UBXN2B: variants seen among roughly 807,000 people sequenced by gnomAD.
The protein encoded by UBXN2B is UBX domain-containing protein 2B.
Under a neutral mutation model 37.5 loss-of-function variants are expected in UBXN2B, and 19 were observed. The ratio of observed to expected loss-of-function variants is 0.51; its 90% CI spans 0.35 to 0.74. The LOEUF is 0.74. Among genes scored for constraint, UBXN2B ranks in the 30% least tolerant of loss-of-function variants. The pLI is 0.01. For synonymous variants in UBXN2B, 145 were observed against 143.8 expected (o/e 1.01, Z -0.06); for missense variants, 370 against 393.2 (o/e 0.94, Z 0.50).
intron 2 of UBXN2B, among the ~76,000 whole-genome samples, chr8:58,421,719 T>C (rs1807930613): frequency 6.6e-6 from 1 of 152,156 alleles, no homozygotes; most frequent in Non-Finnish European, 1.5e-5. Context: ...CCTGATTCCA[T>C]CCCATGTAAA....
In UBXN2B at chr8:58,450,226, CTTTATA is replaced by C. The variant is rs1808773774; in HGVS notation, c.*2680_*2685del. The stretch of plus-strand genomic sequence containing the variant: ...TTCCCAAATCATCAAGTCCTGGTTT[CTTTATA>C]TTTAACAGGTCTTCCCTCAATCTAC... On this transcript the variant is annotated 3_prime_UTR_variant, in exon 8 of 8. Coordinates refer to ENST00000399598, the MANE Select transcript of UBXN2B (RefSeq NM_001077619.2). 2.0e-5 allele frequency: 3 copies of C among 152,290 alleles called. No individual in the cohort carries two copies. The highest frequency in any genetic ancestry group is 4.4e-5 in the Non-Finnish European group (3 of 68,006). 9.4% of individuals were successfully genotyped at this position (152,290 alleles called of 1,614,324 possible).
chr8:58,431,509 A>G (rs1808276635), intron 3 of UBXN2B, among the ~76,000 whole-genome samples: 1 of 152,226 alleles, frequency 6.6e-6, no homozygotes, highest in African/African-American at 2.4e-5. Context: ...TGACTATTAC[A>G]AATAAAGCTG....
chr8:58,426,486 G>T (rs370067175), intron 2 of UBXN2B: 4 of 706,250 alleles, frequency 5.7e-6, no homozygotes, highest in South Asian at 5.4e-5. Flanking sequence ...GGGATTACAG[G>T]TGTGAACCAC....
chr8:58,448,045 A>G lies in UBXN2B; in HGVS notation c.*494A>G, dbSNP rs1808719656. On this transcript the variant is annotated 3_prime_UTR_variant, in exon 8 of 8. Coordinates refer to ENST00000399598, the MANE Select transcript of UBXN2B (RefSeq NM_001077619.2). Reference sequence around the variant, plus strand: ...TACAATAATTATTTCTCCTATTAAGATTTTACACATCCTTTTTACTTACTG... The same window carrying G: ...TACAATAATTATTTCTCCTATTAAGGTTTTACACATCCTTTTTACTTACTG... 6.6e-6 allele frequency: 1 copy of G among 152,200 alleles called. No homozygotes were observed. The highest frequency in any genetic ancestry group is 1.5e-5 in the Non-Finnish European group (1 of 68,094). The allele number at this position is 152,200 out of a possible 1,614,324, so 9.4% of individuals were successfully genotyped here. A position where few individuals can be genotyped will look rare whatever the true frequency, so the allele number is the denominator to read the frequency against.
rs1808722783 is a variant in UBXN2B, at chr8:58,448,193, T to TA, written c.*643dup. On this transcript the variant is annotated 3_prime_UTR_variant, in exon 8 of 8. Transcript: ENST00000399598. Reference sequence around the variant, plus strand: ...CAATTCTTTTTTTTTTTTTTTTTGATATGGAGTTTTGCTCTTGTTGCCCAG... The same window carrying TA: ...CAATTCTTTTTTTTTTTTTTTTTGATAATGGAGTTTTGCTCTTGTTGCCCAG... The TA allele has an allele frequency of 1.4e-5, 2 of 146,754 alleles. No individual in the cohort carries two copies. Among genetic ancestry groups the TA allele is most frequent in the South Asian group, 2.2e-4 (1 of 4,608 alleles). The allele number at this position is 146,754 out of a possible 1,614,324, so 9.1% of individuals were successfully genotyped here.
chr8:58,426,699 T>C (rs1808102671), intron 2 of UBXN2B: 2 of 699,320 alleles, frequency 2.9e-6, no homozygotes, highest in South Asian at 2.7e-5. Context: ...CCTCCCACAT[T>C]CCGGCTCCGT....
intron 2 of UBXN2B, among the ~76,000 whole-genome samples, chr8:58,428,206 A>G (rs1443387361): frequency 6.6e-6 from 1 of 152,212 alleles, no homozygotes; most frequent in Non-Finnish European, 1.5e-5. Flanking sequence ...GATGGGTACC[A>G]GTCGCAGATA....
chr8:58,411,435 C>T lies in UBXN2B; in HGVS notation c.50C>T (p.Ser17Phe), dbSNP rs1807633032. 2.4e-6 allele frequency: 3 copies of T among 1,260,522 alleles called. No homozygotes were observed. The highest frequency in any genetic ancestry group is 3.0e-6 in the Non-Finnish European group (3 of 997,176). The allele number at this position is 1,260,522 out of a possible 1,614,324, so 78.1% of individuals were successfully genotyped here. The change falls in exon 1 of 8, where the codon TCC (serine) becomes TTC (phenylalanine). Residue 17 changes from serine (S) to phenylalanine (F), a missense_variant. Transcript: ENST00000399598. ...CCCGGCGAGCAGGAGAGGAGGTCTT[C>T]CGGGCCGCGGCCTCCGAGCGCGCGG... ...PEPGEQERRS[S>F]GPRPPSARDL...
At chr8:58,438,245 G>A (rs968385328) in intron 5 of UBXN2B, among the ~76,000 whole-genome samples, 2 of 152,178 alleles carry the variant, frequency 1.3e-5, no homozygotes, top group Non-Finnish European at 2.9e-5. Flanking sequence ...GATTTTAGAG[G>A]GCCACGCCAA....
At chr8:58,420,777 G>A (rs1047029825) in intron 2 of UBXN2B, among the ~76,000 whole-genome samples, 4 of 152,150 alleles carry the variant, frequency 2.6e-5, no homozygotes, top group African/African-American at 4.8e-5. Context: ...TTTTTGCCTT[G>A]TGTGAACTGC....
chr8:58,413,983 C>G (rs570223190), intron 1 of UBXN2B, among the ~76,000 whole-genome samples: 53 of 152,294 alleles, frequency 3.5e-4, no homozygotes, highest in African/African-American at 1.3e-3. Flanking sequence ...TACTCTGTCC[C>G]AGTTTTCCTC....
chr8:58,416,968 G>C lies in UBXN2B; in HGVS notation c.188+15G>C. On this transcript the variant is annotated intron_variant, in intron 2 of 7. Coordinates refer to ENST00000399598, the MANE Select transcript of UBXN2B (RefSeq NM_001077619.2). ...CCACCTCAACGGTAAGTTTTATTTT[G>C]TTTTGTTGTAAAAAGAAATTATAAT... 6.5e-7 allele frequency: 1 copy of C among 1,548,186 alleles called. No homozygotes were observed. The highest frequency in any genetic ancestry group is 8.7e-7 in the Non-Finnish European group (1 of 1,143,546).
intron 3 of UBXN2B, among the ~76,000 whole-genome samples, chr8:58,432,295 T>C (rs1191465989): frequency 5.3e-5 from 8 of 151,924 alleles, no homozygotes; most frequent in Admixed American, 1.3e-4. Context: ...GTTTTGCTTA[T>C]GGATGTCCAG....
At position 58,448,625 on chromosome 8, in the gene UBXN2B, T is replaced by G. The variant is rs933224444; in HGVS notation, c.*1074T>G. The G allele has an allele frequency of 2.6e-5, 4 of 152,560 alleles. No individual in the cohort carries two copies. Among genetic ancestry groups the G allele is most frequent in the African/African-American group, 9.7e-5 (4 of 41,446 alleles). 9.5% of individuals were successfully genotyped at this position (152,560 alleles called of 1,614,324 possible). On this transcript the variant is annotated 3_prime_UTR_variant, in exon 8 of 8. Transcript: ENST00000399598. ...AACTCACTGTATACACTAAACACTA[T>G]TCTGTGTGCTCAACCTAGAATGTCT...
intron 2 of UBXN2B, among the ~76,000 whole-genome samples, chr8:58,419,731 C>T (rs1302332172): frequency 6.6e-6 from 1 of 152,178 alleles, no homozygotes; most frequent in Non-Finnish European, 1.5e-5. Flanking sequence ...ATTCCAGGAA[C>T]AGAGAGTCAC....
In UBXN2B at chr8:58,447,674, T is replaced by G; in HGVS notation, c.*123T>G. The G allele has an allele frequency of 9.9e-7, 1 of 1,014,636 alleles. No individual in the cohort carries two copies. The highest frequency in any genetic ancestry group is 1.3e-6 in the Non-Finnish European group (1 of 750,692). 62.9% of individuals were successfully genotyped at this position (1,014,636 alleles called of 1,614,324 possible). On this transcript the variant is annotated 3_prime_UTR_variant, in exon 8 of 8. Transcript: ENST00000399598. ...TATTTTTACAGATAAATTTTGGTTTTATTGTTATTCTGTCTTCCAATCTGA... is the reference window on the plus strand; with the variant it reads ...TATTTTTACAGATAAATTTTGGTTTGATTGTTATTCTGTCTTCCAATCTGA...
At chr8:58,423,149 G>A (rs1048794140) in intron 2 of UBXN2B, among the ~76,000 whole-genome samples, 4 of 151,932 alleles carry the variant, frequency 2.6e-5, no homozygotes, top group East Asian at 3.9e-4. Flanking sequence ...GGGAAGCTGC[G>A]ACAATTCTGG....
chr8:58,417,084 G>A lies in UBXN2B; in HGVS notation c.188+131G>A, dbSNP rs187389794. 192 of 675,486 alleles carry A rather than the reference G, an allele frequency of 2.8e-4. No homozygotes were observed. In the African/African-American group the frequency reaches 3.2e-3, roughly 11 times the overall value. 41.8% of individuals were successfully genotyped at this position (675,486 alleles called of 1,614,324 possible). The stretch of plus-strand genomic sequence containing the variant: ...TTTTAAAAATTATTATTCCAAGATC[G>A]AGGCAGATTTGGATAAAAAATAGAA... On this transcript the variant is annotated intron_variant, in intron 2 of 7. Coordinates refer to ENST00000399598, the MANE Select transcript of UBXN2B (RefSeq NM_001077619.2).
intron 6 of UBXN2B, among the ~76,000 whole-genome samples, chr8:58,440,911 C>G (rs557293114): frequency 6.6e-6 from 1 of 152,110 alleles, no homozygotes; most frequent in South Asian, 2.1e-4. Context: ...TTTCTTAGGA[C>G]ACAAACTCTT....
Sources: gnomAD v4.1 joint callset for allele counts (sites outside exome capture counted in the v4.1 genomes callset) on GRCh38, gnomAD v4.1.1 for gene constraint, MANE v1.5 for transcripts, NCBI Gene and HGNC (gene_info 2026-07-23, HGNC 2026-07-21) for gene names.